Variants in WDFY1 observed in about 807,000 individuals in gnomAD.
WDFY1 encodes WD repeat and FYVE domain-containing protein 1.
Under a neutral mutation model 56.4 loss-of-function variants are expected in WDFY1, and 32 were observed. The ratio of observed to expected loss-of-function variants is 0.57; its 90% CI spans 0.43 to 0.76. The LOEUF is 0.76. Among genes scored for constraint, WDFY1 ranks in the 30% least tolerant of loss-of-function variants. WDFY1 has a pLI of 0.00. For missense variants in WDFY1, 480 were observed against 545.7 expected (o/e 0.88, Z 1.20); for synonymous variants, 192 against 197.3 (o/e 0.97, Z 0.23).
At chr2:223,933,352 T>C (rs1306314381) in intron 1 of WDFY1, among the ~76,000 whole-genome samples, 2 of 151,890 alleles carry the variant, frequency 1.3e-5, no homozygotes, top group Non-Finnish European at 2.9e-5. Context: ...GCAGATTTTT[T>C]TTTTTTTTTT....
intron 2 of WDFY1, among the ~76,000 whole-genome samples, chr2:223,916,536 T>G (rs1275812924): frequency 2.0e-5 from 3 of 152,092 alleles, no homozygotes; most frequent in Non-Finnish European, 2.9e-5. Context: ...TCTTAGGGGG[T>G]TGTCCTCTGT....
chr2:223,925,045 T>TA (rs1348181472), intron 1 of WDFY1, among the ~76,000 whole-genome samples: 2 of 152,130 alleles, frequency 1.3e-5, no homozygotes, highest in Non-Finnish European at 2.9e-5. Context: ...ACTACAAATT[T>TA]AAAAAACTTC....
rs746557519 is a variant in WDFY1, at chr2:223,884,708, C to T, written c.873G>A (p.Glu291=). 5.1e-5 allele frequency: 82 copies of T among 1,614,000 alleles called. No individual in the cohort carries two copies. The highest frequency in any genetic ancestry group is 6.1e-5 in the Non-Finnish European group (72 of 1,180,016). The change falls in exon 9 of 12, where the codon GAG becomes GAA. Residue 291 remains glutamate, a synonymous_variant. Coordinates refer to ENST00000233055, the MANE Select transcript of WDFY1 (RefSeq NM_020830.5). ...WLESDSCQKC[E]QPFFWNIKQM... ...GCTTTATGTTCCAGAAAAATGGCTG[C>T]TCACATTTCTGACAAGAATCACTTT...
rs57223015 is a variant in WDFY1, at chr2:223,942,527, C to CTTTTTTTT, written c.137+2613_137+2620dup. ...GCCACTGCGCCTGGCCAAAGGCTAA[C>CTTTTTTTT]TTTTTTTTTTTTTTTTTTTGAGACG... On this transcript the variant is annotated intron_variant, in intron 1 of 11. Transcript: ENST00000233055. Among the ~76,000 whole-genome samples, 10 of 74,234 alleles carry CTTTTTTTT rather than the reference C, an allele frequency of 1.3e-4. 1 individual carries two copies. The highest frequency in any genetic ancestry group is 3.1e-4 in the African/African-American group (5 of 16,176). The allele number at this position is 74,234 out of a possible 152,430, so 48.7% of individuals were successfully genotyped here.
intron 3 of WDFY1, among the ~76,000 whole-genome samples, chr2:223,908,671 T>C (rs1424302992): frequency 6.6e-6 from 1 of 152,158 alleles, no homozygotes. Flanking sequence ...GCAGCCACCG[T>C]TGTAGTTTCC....
At chr2:223,939,304 G>A (rs1689258159) in intron 1 of WDFY1, among the ~76,000 whole-genome samples, 1 of 152,156 alleles carries the variant, frequency 6.6e-6, no homozygotes, top group Non-Finnish European at 1.5e-5. Context: ...AGAGAGGCCA[G>A]ATAAGTACAT....
At chr2:223,911,615 C>CACAA (rs1355076149) in intron 3 of WDFY1, among the ~76,000 whole-genome samples, 6 of 128,050 alleles carry the variant, frequency 4.7e-5, no homozygotes, top group African/African-American at 1.7e-4. Context: ...CACACACACA[C>CACAA]AGAGTGACAG....
At chr2:223,941,670 C>A (rs1489065766) in intron 1 of WDFY1, among the ~76,000 whole-genome samples, 1 of 152,048 alleles carries the variant, frequency 6.6e-6, no homozygotes. Context: ...CCCCACAGGT[C>A]TAGCATGGGC....
chr2:223,934,969 C>T (rs1694144759), intron 1 of WDFY1, among the ~76,000 whole-genome samples: 1 of 152,082 alleles, frequency 6.6e-6, no homozygotes, highest in African/African-American at 2.4e-5. Context: ...GCAAACATCG[C>T]ACAAGAAGTC....
At chr2:223,895,788 C>A (rs1693357382) in intron 6 of WDFY1, among the ~76,000 whole-genome samples, 158 bp from the exon 7 acceptor site, 3 of 152,126 alleles carry the variant, frequency 2.0e-5, no homozygotes, top group Non-Finnish European at 4.4e-5. Context: ...GGTCATTCAA[C>A]CATGCTATCA....
intron 1 of WDFY1, among the ~76,000 whole-genome samples, chr2:223,919,837 C>T (rs1337420607): frequency 1.3e-5 from 2 of 152,184 alleles, no homozygotes; most frequent in Non-Finnish European, 2.9e-5. Context: ...GCATAGGCAG[C>T]GTGTCCTGGA....
chr2:223,933,404 A>G (rs924928402), intron 1 of WDFY1, among the ~76,000 whole-genome samples: 2 of 151,532 alleles, frequency 1.3e-5, no homozygotes, highest in African/African-American at 4.9e-5. Flanking sequence ...CACTGTTAGC[A>G]TAAAAATAAT....
At position 223,901,217 on chromosome 2, in the gene WDFY1, T is replaced by C. The variant is rs1247858642; in HGVS notation, c.451A>G (p.Arg151Gly). The C allele has an allele frequency of 6.2e-7, 1 of 1,613,936 alleles. No homozygotes were observed. The highest frequency in any genetic ancestry group is 2.2e-5 in the East Asian group (1 of 44,884). The part of the protein sequence containing the change: ...MCTRSGNMLG[R>G]HFFTSWASCL... Reference sequence around the variant, plus strand: ...GAAGCCCAGGACGTGAAGAAGTGCCTCCCGAGCATGTTCCCGCTCCGCGTG... The same window carrying C: ...GAAGCCCAGGACGTGAAGAAGTGCCCCCCGAGCATGTTCCCGCTCCGCGTG... The change falls in exon 5 of 12, where the codon AGG becomes GGG. Residue 151 changes from arginine (R) to glycine (G), a missense_variant. Physicochemically the swap from Arg to Gly is moderately radical, Grantham distance 125. Transcript: ENST00000233055.
At chr2:223,913,894 G>C (rs151241669) in intron 2 of WDFY1, among the ~76,000 whole-genome samples, 2 of 150,522 alleles carry the variant, frequency 1.3e-5, no homozygotes, top group African/African-American at 4.9e-5. Flanking sequence ...TCTCTCCCTA[G>C]AAAGGAGGTT....
At chr2:223,927,202 C>T (rs1196648203) in intron 1 of WDFY1, among the ~76,000 whole-genome samples, 1 of 152,210 alleles carries the variant, frequency 6.6e-6, no homozygotes, top group African/African-American at 2.4e-5. Flanking sequence ...GCATTAGCCA[C>T]AGAAGAAAGT....
Position 223,876,302 on chromosome 2 carries a change from A to G in WDFY1, c.*2369T>C, listed in dbSNP as rs1211105063. 1 of 152,630 alleles carries G rather than the reference A, an allele frequency of 6.6e-6. No homozygotes were observed. Among genetic ancestry groups the G allele is most frequent in the Non-Finnish European group, 1.5e-5 (1 of 68,022 alleles). 9.5% of individuals were successfully genotyped at this position (152,630 alleles called of 1,614,324 possible). On this transcript the variant is annotated 3_prime_UTR_variant, in exon 12 of 12. Transcript: ENST00000233055. ...AAGAACTAATTTAAATGATCCATTT[A>G]AGAGAAATGCAGTCAAAATAAGGCA...
intron 2 of WDFY1, 140 bp from the exon 3 acceptor site, chr2:223,912,466 T>C (rs1028496310): frequency 9.0e-6 from 5 of 556,512 alleles, no homozygotes; most frequent in Non-Finnish European, 1.5e-5. Flanking sequence ...ACAAATTACG[T>C]AAATTGAAAA....
chr2:223,931,588 T>C (rs1323719011), intron 1 of WDFY1, among the ~76,000 whole-genome samples: 1 of 152,060 alleles, frequency 6.6e-6, no homozygotes, highest in African/African-American at 2.4e-5. Flanking sequence ...CACAATACAG[T>C]AGGAGCAAAG....
intron 7 of WDFY1, chr2:223,894,541 A>G: frequency 3.6e-6 from 2 of 561,346 alleles, no homozygotes; most frequent in South Asian, 2.2e-5. Context: ...TTTCTATAAA[A>G]TATATGACTA....
Sources: gnomAD v4.1 joint callset for allele counts (sites outside exome capture counted in the v4.1 genomes callset) on GRCh38, gnomAD v4.1.1 for gene constraint, MANE v1.5 for transcripts, NCBI Gene and HGNC (gene_info 2026-07-23, HGNC 2026-07-21) for gene names.